PTPRZ1: variants seen among roughly 807,000 people sequenced by gnomAD.
The protein encoded by PTPRZ1 is protein tyrosine phosphatase receptor type Z1.
Under a neutral mutation model 214.1 loss-of-function variants are expected in PTPRZ1, and 82 were observed. That is an observed-to-expected ratio of 0.38 (90% CI 0.32 to 0.46). PTPRZ1 has a LOEUF of 0.46. Ranked by LOEUF, PTPRZ1 falls within the 20% of genes least tolerant of loss-of-function variation. The probability of loss-of-function intolerance (pLI) is 1.00; values close to 1 mark genes in which losing one functional copy is unlikely to be tolerated. For missense variants in PTPRZ1, 2,603 were observed against 2,748.7 expected, an observed-to-expected ratio of 0.95 and a Z score of 1.19; for synonymous variants, 945 against 987.9, an observed-to-expected ratio of 0.96 and a Z score of 0.81.
chr7:121,949,566 C>T (rs1350905071), intron 2 of PTPRZ1, among the ~76,000 whole-genome samples: 1 of 152,108 alleles, frequency 6.6e-6, no homozygotes, highest in African/African-American at 2.4e-5. Context: ...TGGCAGAAGG[C>T]CCCTTGATTG....
chr7:121,990,997 G>A (rs539059530), intron 8 of PTPRZ1, among the ~76,000 whole-genome samples: 2 of 152,248 alleles, frequency 1.3e-5, no homozygotes, highest in South Asian at 4.2e-4. Flanking sequence ...AAGAAGCGGG[G>A]ACCTGCTAAA....
At chr7:121,894,722 C>T (rs1384411918) in intron 1 of PTPRZ1, among the ~76,000 whole-genome samples, 1 of 152,120 alleles carries the variant, frequency 6.6e-6, no homozygotes, top group Non-Finnish European at 1.5e-5. Flanking sequence ...TGCCTTTTAT[C>T]CCATTCAATC....
intron 1 of PTPRZ1, among the ~76,000 whole-genome samples, chr7:121,917,751 A>G (rs1795467611): frequency 6.6e-6 from 1 of 152,254 alleles, no homozygotes; most frequent in Admixed American, 6.5e-5. Flanking sequence ...TGACTTGTCC[A>G]AGGTCATCAC....
intron 2 of PTPRZ1, among the ~76,000 whole-genome samples, chr7:121,937,574 G>A (rs763699365): frequency 2.0e-5 from 3 of 152,184 alleles, no homozygotes; most frequent in Non-Finnish European, 4.4e-5. Context: ...GGAAGATGCT[G>A]GGGGTTCAGC....
intron 2 of PTPRZ1, among the ~76,000 whole-genome samples, chr7:121,937,680 TC>T (rs1387368060): frequency 6.6e-6 from 1 of 152,100 alleles, no homozygotes; most frequent in Non-Finnish European, 1.5e-5. Flanking sequence ...GCAGCAACCT[TC>T]AACAAAATCA....
intron 2 of PTPRZ1, among the ~76,000 whole-genome samples, chr7:121,939,139 A>G (rs1330911096): frequency 6.6e-6 from 1 of 152,248 alleles, no homozygotes; most frequent in Non-Finnish European, 1.5e-5. Context: ...TAGTAATAAC[A>G]TAATTTCAGG....
intron 23 of PTPRZ1, 92 bp from the exon 24 acceptor site, chr7:122,051,334 GGT>G (rs112292518): frequency 7.2e-3 from 4,698 of 653,302 alleles, no homozygotes; most frequent in South Asian, 0.012. Flanking sequence ...TATCTTGATT[GGT>G]GTGTGTGTGT....
At chr7:121,897,036 G>T (rs933867970) in intron 1 of PTPRZ1, among the ~76,000 whole-genome samples, 2 of 152,146 alleles carry the variant, frequency 1.3e-5, no homozygotes, top group Admixed American at 6.5e-5. Flanking sequence ...AAAGAGACTA[G>T]CTTGGTTTGT....
chr7:121,976,741 C>A, intron 5 of PTPRZ1, 44 bp from the exon 6 acceptor site: 1 of 1,404,032 alleles, frequency 7.1e-7, no homozygotes, highest in Non-Finnish European at 9.8e-7. Flanking sequence ...AATAGTTATC[C>A]AAATGTTTTA....
At chr7:121,981,440 T>G (rs532861980) in intron 6 of PTPRZ1, among the ~76,000 whole-genome samples, 26 of 152,350 alleles carry the variant, frequency 1.7e-4, no homozygotes, top group Admixed American at 1.2e-3. Context: ...TATTTCTTAA[T>G]GGCCTTAATC....
chr7:121,976,152 C>G (rs547679432), intron 4 of PTPRZ1, 21 bp from the exon 5 acceptor site: 1 of 1,505,982 alleles, frequency 6.6e-7, no homozygotes, highest in South Asian at 1.1e-5. Context: ...TATCATAAAA[C>G]TATCATTGTT....
chr7:122,028,055 T>C (rs1266956322), intron 13 of PTPRZ1, among the ~76,000 whole-genome samples: 1 of 152,208 alleles, frequency 6.6e-6, no homozygotes, highest in Non-Finnish European at 1.5e-5. Context: ...TGTAGGTAAT[T>C]TCTACATAGT....
intron 2 of PTPRZ1, among the ~76,000 whole-genome samples, chr7:121,954,430 G>A (rs1796647180): frequency 6.6e-6 from 1 of 152,054 alleles, no homozygotes; most frequent in African/African-American, 2.4e-5. Context: ...CTTCCTAGAT[G>A]CCTTCAGCCA....
chr7:122,010,489 A>T lies in PTPRZ1; in HGVS notation c.1443A>T (p.Arg481=). The T allele has an allele frequency of 1.9e-6, 3 of 1,614,078 alleles. No individual in the cohort carries two copies. Among genetic ancestry groups the T allele is most frequent in the Non-Finnish European group, 2.5e-6 (3 of 1,179,972 alleles). ...AATACAATGAAGCCAAGACTAACCG[A>T]TCCCCAACAAGAGGAAGTGAATTCT... ...GTKYNEAKTN[R]SPTRGSEFSG... Residue 481 remains arginine (R), a synonymous_variant, in exon 12 of 30, where the codon CGA becomes CGT. Transcript: ENST00000393386.
intron 10 of PTPRZ1, among the ~76,000 whole-genome samples, chr7:122,004,259 T>C (rs1476395983): frequency 6.6e-6 from 1 of 152,140 alleles, no homozygotes; most frequent in Non-Finnish European, 1.5e-5. Flanking sequence ...AACTCTGTAC[T>C]GATGAAAAAT....
chr7:121,928,127 A>T, intron 1 of PTPRZ1, 29 bp from the exon 2 acceptor site: 1 of 1,521,456 alleles, frequency 6.6e-7, no homozygotes, highest in African/African-American at 1.4e-5. Context: ...TTTTCTACAT[A>T]CTGATTACTT....
chr7:121,998,664 T>C (rs1306302210), intron 10 of PTPRZ1, among the ~76,000 whole-genome samples: 1 of 152,212 alleles, frequency 6.6e-6, no homozygotes, highest in African/African-American at 2.4e-5. Flanking sequence ...CTGACCATCA[T>C]AATTTGACAA....
chr7:121,951,432 A>G (rs572420010), intron 2 of PTPRZ1, among the ~76,000 whole-genome samples: 5 of 152,354 alleles, frequency 3.3e-5, no homozygotes, highest in African/African-American at 1.2e-4. Context: ...TCTGATGTGA[A>G]CACCTTTCAG....
At chr7:121,929,819 A>G (rs1795870509) in intron 2 of PTPRZ1, among the ~76,000 whole-genome samples, 1 of 112,336 alleles carries the variant, frequency 8.9e-6, no homozygotes, top group African/African-American at 4.1e-5. Context: ...AAAAAAAAAT[A>G]AAAATAAAAA....
Sources: allele counts gnomAD v4.1 joint callset (sites outside exome capture counted in the v4.1 genomes callset), GRCh38; gene constraint gnomAD v4.1.1; transcripts MANE v1.5; gene names NCBI Gene and HGNC (gene_info 2026-07-23, HGNC 2026-07-21).